Variants in CTNNA2 observed in about 807,000 individuals in gnomAD.
CTNNA2 encodes catenin alpha 2.
In CTNNA2, 42 loss-of-function variants were observed where a neutral mutation model predicts 101.0. The ratio of observed to expected loss-of-function variants is 0.42; its 90% CI spans 0.32 to 0.54. The LOEUF (loss-of-function observed/expected upper bound fraction) is 0.54, where lower values mean the gene tolerates loss of function less well. CTNNA2 is among the 20% of genes least tolerant of loss of function. The probability of loss-of-function intolerance (pLI) is 0.14; values close to 1 mark genes in which losing one functional copy is unlikely to be tolerated. For missense variants in CTNNA2, 871 were observed against 1,223.1 expected, an observed-to-expected ratio of 0.71 and a Z score of 4.29; for synonymous variants, 450 against 456.4, an observed-to-expected ratio of 0.99 and a Z score of 0.18.
chr2:79,449,717 C>G (rs1324918145), intron 4 of CTNNA2, among the ~76,000 whole-genome samples: 1 of 151,978 alleles, frequency 6.6e-6, no homozygotes, highest in African/African-American at 2.4e-5. Context: ...ATAAGCACTA[C>G]CTTGCTATTC....
At chr2:80,438,196 C>T (rs567139662) in intron 9 of CTNNA2, among the ~76,000 whole-genome samples, 26 of 152,262 alleles carry the variant, frequency 1.7e-4, no homozygotes, top group Admixed American at 2.6e-4. Context: ...CCTCTATGCT[C>T]GCACATCCCT....
At chr2:80,444,575 T>A (rs528876442) in intron 9 of CTNNA2, among the ~76,000 whole-genome samples, 1 of 152,248 alleles carries the variant, frequency 6.6e-6, no homozygotes, top group African/African-American at 2.4e-5. Flanking sequence ...CCCATCTAAT[T>A]CATATGTTGA....
chr2:79,379,508 T>A (rs1678016715), intron 4 of CTNNA2, among the ~76,000 whole-genome samples: 1 of 152,216 alleles, frequency 6.6e-6, no homozygotes, highest in African/African-American at 2.4e-5. Flanking sequence ...TATACACTTA[T>A]GTCTACTTAG....
chr2:79,872,992 A>C (rs1292904832), intron 5 of CTNNA2, among the ~76,000 whole-genome samples: 2 of 152,222 alleles, frequency 1.3e-5, no homozygotes, highest in African/African-American at 4.8e-5. Context: ...TAGTGGTATT[A>C]TTTTGTCATC....
chr2:79,260,959 A>G (rs1674913728), intron 2 of CTNNA2, among the ~76,000 whole-genome samples: 1 of 152,184 alleles, frequency 6.6e-6, no homozygotes, highest in Admixed American at 6.5e-5. Context: ...GGACATGTCA[A>G]ATGAGCACTG....
In CTNNA2 at chr2:80,575,933, T is replaced by G. The variant is rs144215513; in HGVS notation, c.1893+1619T>G. On this transcript the variant is annotated intron_variant, in intron 13 of 18. Coordinates refer to ENST00000402739, the MANE Select transcript of CTNNA2 (RefSeq NM_001282597.3). ...AGAGAAATGTACAGTATGTACAAAT[T>G]GTTATTTTTAAAATCCTTCTCCATT... 2.6e-3 allele frequency among the ~76,000 whole-genome samples: 399 copies of G among 152,296 alleles called. 1 individual carries two copies. The highest frequency in any genetic ancestry group is 9.3e-3 in the African/African-American group (387 of 41,580).
intron 9 of CTNNA2, among the ~76,000 whole-genome samples, chr2:80,439,018 C>T (rs923408642): frequency 6.6e-6 from 1 of 152,128 alleles, no homozygotes; most frequent in African/African-American, 2.4e-5. Flanking sequence ...TTTTAAAATC[C>T]CTTTCTCTTT....
At chr2:79,976,779 G>A (rs1690875991) in intron 7 of CTNNA2, among the ~76,000 whole-genome samples, 1 of 152,206 alleles carries the variant, frequency 6.6e-6, no homozygotes, top group African/African-American at 2.4e-5. Flanking sequence ...TGTAGGTGTA[G>A]AGTGTTTGGC....
chr2:80,222,403 A>G (rs1422780657), intron 7 of CTNNA2, among the ~76,000 whole-genome samples: 1 of 152,146 alleles, frequency 6.6e-6, no homozygotes, highest in Non-Finnish European at 1.5e-5. Flanking sequence ...TGCTGTTTAT[A>G]TTTGCAAATC....
rs977521843 is a variant in CTNNA2, at chr2:80,048,341, C to G, written c.1056+138544C>G. 5.9e-5 allele frequency among the ~76,000 whole-genome samples: 9 copies of G among 152,102 alleles called. No homozygotes were observed. The East Asian group carries it at 1.7e-3, about 29-fold the overall frequency. ...GAAGACTTGCAGAGGAAATGTACAT[C>G]TTCAGGCAGTGAGAAGGGAGGGGCA... On this transcript the variant is annotated intron_variant, in intron 7 of 18. Coordinates refer to ENST00000402739, the MANE Select transcript of CTNNA2 (RefSeq NM_001282597.3).
intron 2 of CTNNA2, among the ~76,000 whole-genome samples, chr2:79,230,728 C>T (rs774592479): frequency 6.6e-6 from 1 of 152,154 alleles, no homozygotes; most frequent in Non-Finnish European, 1.5e-5. Context: ...TCAATGCTAG[C>T]CCATGAAAGC....
chr2:80,043,075 CTTTCTTTCTTTCTTTCTT>C (rs1279807974), intron 7 of CTNNA2, among the ~76,000 whole-genome samples: 3 of 43,036 alleles, frequency 7.0e-5, no homozygotes, highest in Non-Finnish European at 8.7e-5. Flanking sequence ...TTCTTTCTTT[CTTTCTTTCTTTCTTTCTT>C]TCTCTCTCTC....
At chr2:79,943,534 G>T (rs1377626721) in intron 7 of CTNNA2, among the ~76,000 whole-genome samples, 1 of 152,102 alleles carries the variant, frequency 6.6e-6, no homozygotes, top group African/African-American at 2.4e-5. Flanking sequence ...ATAGACCTAG[G>T]TTCAGACTTC....
intron 9 of CTNNA2, among the ~76,000 whole-genome samples, chr2:80,505,318 G>T (rs1688183924): frequency 6.6e-6 from 1 of 152,176 alleles, no homozygotes; most frequent in Non-Finnish European, 1.5e-5. Flanking sequence ...CTCTTGGTTT[G>T]CCTAAAGGCA....
chr2:80,473,606 A>C (rs1240833525), intron 9 of CTNNA2, among the ~76,000 whole-genome samples: 1 of 152,212 alleles, frequency 6.6e-6, no homozygotes, highest in East Asian at 1.9e-4. Flanking sequence ...CCACCTCACC[A>C]GTGAAAGCTC....
chr2:80,614,843 G>A (rs546564239), intron 17 of CTNNA2, among the ~76,000 whole-genome samples: 55 of 151,344 alleles, frequency 3.6e-4, no homozygotes, highest in Non-Finnish European at 6.2e-4. Context: ...ATTATGGGAA[G>A]CCAAAGTGTT....
intron 7 of CTNNA2, among the ~76,000 whole-genome samples, chr2:80,205,010 A>G (rs997461314): frequency 2.6e-5 from 4 of 152,134 alleles, no homozygotes; most frequent in African/African-American, 9.7e-5. Context: ...CACTCTGACA[A>G]GAACAGCATG....
At chr2:80,389,753 G>C (rs139010572) in intron 7 of CTNNA2, among the ~76,000 whole-genome samples, 378 of 152,184 alleles carry the variant, frequency 2.5e-3, no homozygotes, top group African/African-American at 8.7e-3. Flanking sequence ...CCATCCAGTG[G>C]CCCAAATTTC....
intron 18 of CTNNA2, 66 bp from the exon 19 acceptor site, chr2:80,647,519 C>T (rs1287306609): frequency 3.9e-6 from 5 of 1,280,428 alleles, no homozygotes; most frequent in Middle Eastern, 3.9e-4. Flanking sequence ...CGTGAAAGTA[C>T]ATCACCATTT....
Sources: allele counts gnomAD v4.1 joint callset (sites outside exome capture counted in the v4.1 genomes callset), GRCh38; gene constraint gnomAD v4.1.1; transcripts MANE v1.5; gene names NCBI Gene and HGNC (gene_info 2026-07-23, HGNC 2026-07-21).